MTHFD2L: variants seen among roughly 807,000 people sequenced by gnomAD.
MTHFD2L encodes the protein methylenetetrahydrofolate dehydrogenase (NADP+ dependent) 2 like.
In MTHFD2L, 29 loss-of-function variants were observed where a neutral mutation model predicts 34.9. That is an observed-to-expected ratio of 0.83 (90% CI 0.62 to 1.13). MTHFD2L has a LOEUF of 1.13. Among genes scored for constraint, MTHFD2L ranks in the 50% most tolerant of loss-of-function variants. The pLI is 0.00. For synonymous variants in MTHFD2L, 167 were observed against 155.7 expected (o/e 1.07, Z -0.54); for missense variants, 481 against 446.5 (o/e 1.08, Z -0.70).
chr4:74,269,605 T>C (rs555129379), intron 6 of MTHFD2L, among the ~76,000 whole-genome samples: 31 of 152,038 alleles, frequency 2.0e-4, no homozygotes, highest in Non-Finnish European at 3.7e-4. Context: ...TATGTCTACT[T>C]TCATTACCTA....
intron 3 of MTHFD2L, among the ~76,000 whole-genome samples, chr4:74,188,716 G>GTA (rs3051360): frequency 9.7e-6 from 1 of 102,648 alleles, no homozygotes; most frequent in African/African-American, 5.4e-5. Context: ...ATATATATGG[G>GTA]TATATATATA....
intron 3 of MTHFD2L, among the ~76,000 whole-genome samples, chr4:74,188,969 G>T (rs899906338): frequency 2.6e-5 from 4 of 151,898 alleles, no homozygotes; most frequent in South Asian, 4.2e-4. Flanking sequence ...ATATAGTAAA[G>T]GACTCAAAAG....
At chr4:74,294,439 C>G (rs1360254268) in intron 7 of MTHFD2L, among the ~76,000 whole-genome samples, 1 of 152,090 alleles carries the variant, frequency 6.6e-6, no homozygotes, top group Non-Finnish European at 1.5e-5. Context: ...GAAGCAATGA[C>G]AGAACACACC....
chr4:74,227,180 C>G (rs930328057), intron 6 of MTHFD2L, among the ~76,000 whole-genome samples: 1 of 152,162 alleles, frequency 6.6e-6, no homozygotes, highest in Non-Finnish European at 1.5e-5. Context: ...GGTGTTTCTT[C>G]TCTACTCTTT....
chr4:74,149,284 C>T (rs1022656077), intron 1 of MTHFD2L, among the ~76,000 whole-genome samples: 3 of 151,934 alleles, frequency 2.0e-5, no homozygotes, highest in African/African-American at 7.2e-5. Flanking sequence ...TATTAAATTT[C>T]CTTTATTTGA....
At chr4:74,290,929 T>C (rs932372562) in intron 7 of MTHFD2L, among the ~76,000 whole-genome samples, 9 of 151,798 alleles carry the variant, frequency 5.9e-5, no homozygotes, top group African/African-American at 1.9e-4. Flanking sequence ...CGTTGCACTT[T>C]TACTTAGTTG....
intron 1 of MTHFD2L, among the ~76,000 whole-genome samples, chr4:74,164,021 G>GC (rs1397594148): frequency 6.6e-6 from 1 of 152,048 alleles, no homozygotes; most frequent in Non-Finnish European, 1.5e-5. Flanking sequence ...GACTACAGGC[G>GC]CCCGCCACCA....
At chr4:74,221,870 A>G (rs1019663419) in intron 5 of MTHFD2L, among the ~76,000 whole-genome samples, 3 of 151,798 alleles carry the variant, frequency 2.0e-5, no homozygotes, top group Non-Finnish European at 4.4e-5. Flanking sequence ...TAATAATTAC[A>G]ACATTATATA....
chr4:74,164,279 G>T (rs890738147), intron 1 of MTHFD2L, among the ~76,000 whole-genome samples: 1 of 152,150 alleles, frequency 6.6e-6, no homozygotes, highest in East Asian at 1.9e-4. Context: ...CCAAGTATAC[G>T]AATTAAATAA....
rs181233991 is a variant in MTHFD2L, at chr4:74,266,636, C to T, written c.806-14789C>T. The stretch of plus-strand genomic sequence containing the variant: ...CTAAGCTCTCACCACTTCTCCAACT[C>T]TCCTGACTTTTCGAACTCAACCCTT... On this transcript the variant is annotated intron_variant, in intron 6 of 7. Coordinates refer to ENST00000325278, the MANE Select transcript of MTHFD2L (RefSeq NM_001144978.3). 3.8e-4 allele frequency among the ~76,000 whole-genome samples: 58 copies of T among 152,324 alleles called. 1 individual carries two copies. Among genetic ancestry groups the T allele is most frequent in the Admixed American group, 3.3e-3 (50 of 15,288 alleles).
chr4:74,282,872 A>G (rs1026746077), intron 7 of MTHFD2L, among the ~76,000 whole-genome samples: 8 of 152,128 alleles, frequency 5.3e-5, no homozygotes, highest in Non-Finnish European at 1.5e-5. Context: ...TGTTGTGTAC[A>G]TGCTGAAATC....
At chr4:74,290,224 G>A (rs1471493040) in intron 7 of MTHFD2L, among the ~76,000 whole-genome samples, 1 of 152,162 alleles carries the variant, frequency 6.6e-6, no homozygotes. Flanking sequence ...ATAAGGTCAG[G>A]AAAGGGTTTG....
At chr4:74,267,851 T>G (rs2110238722) in intron 6 of MTHFD2L, 1 of 985,328 alleles carries the variant, frequency 1.0e-6, no homozygotes, top group East Asian at 1.1e-4. Context: ...CCTATGAATT[T>G]CTGAATATAA....
At chr4:74,197,861 T>C (rs1164524768) in intron 3 of MTHFD2L, among the ~76,000 whole-genome samples, 1 of 152,164 alleles carries the variant, frequency 6.6e-6, no homozygotes, top group African/African-American at 2.4e-5. Context: ...GTATACTACA[T>C]AGTAATAGGT....
intron 5 of MTHFD2L, among the ~76,000 whole-genome samples, chr4:74,210,164 T>C (rs977408667): frequency 3.8e-5 from 1 of 26,506 alleles, no homozygotes; most frequent in Non-Finnish European, 1.3e-4. Context: ...GATGATATTT[T>C]CTTTTGCTGT....
chr4:74,293,410 C>A, intron 7 of MTHFD2L: 1 of 456,550 alleles, frequency 2.2e-6, no homozygotes, highest in Non-Finnish European at 2.9e-6. Context: ...CTTAGCCACC[C>A]TACAAATACA....
At chr4:74,169,480 C>T (rs1727447681) in intron 1 of MTHFD2L, among the ~76,000 whole-genome samples, 2 of 152,164 alleles carry the variant, frequency 1.3e-5, no homozygotes, top group South Asian at 4.1e-4. Flanking sequence ...TACTCACATG[C>T]TATAAAATGC....
chr4:74,225,866 A>G (rs1739072232), intron 6 of MTHFD2L, among the ~76,000 whole-genome samples: 1 of 152,148 alleles, frequency 6.6e-6, no homozygotes, highest in Non-Finnish European at 1.5e-5. Flanking sequence ...GGAAAAGTTG[A>G]TGGATGAGAC....
intron 1 of MTHFD2L, among the ~76,000 whole-genome samples, chr4:74,172,872 A>T (rs1477462727): frequency 1.3e-5 from 2 of 152,180 alleles, no homozygotes; most frequent in African/African-American, 4.8e-5. Context: ...TTCTACCTAT[A>T]CGTCCACAAA....
Sources: gnomAD v4.1 joint callset for allele counts (sites outside exome capture counted in the v4.1 genomes callset) on GRCh38, gnomAD v4.1.1 for gene constraint, MANE v1.5 for transcripts, NCBI Gene and HGNC (gene_info 2026-07-23, HGNC 2026-07-21) for gene names.